PPP2R2C: variants seen among roughly 807,000 people sequenced by gnomAD.
PPP2R2C encodes protein phosphatase 2, regulatory subunit B, gamma.
Under a neutral mutation model 45.3 loss-of-function variants are expected in PPP2R2C, and 10 were observed. The observed-to-expected ratio is 0.22, with a 90% CI of 0.14 to 0.37. The LOEUF (loss-of-function observed/expected upper bound fraction) is 0.37, where lower values mean the gene tolerates loss of function less well. Ranked by LOEUF, PPP2R2C falls within the 10% of genes least tolerant of loss-of-function variation. The pLI is 1.00. For synonymous variants in PPP2R2C, 257 were observed against 245.4 expected (o/e 1.05, Z -0.44); for missense variants, 308 against 619.7 (o/e 0.50, Z 5.34).
Position 6,461,132 on chromosome 4 carries a change from G to A in PPP2R2C, c.70+11028C>T, listed in dbSNP as rs78798433. Among the ~76,000 whole-genome samples, 825 of 152,218 alleles carry A rather than the reference G, an allele frequency of 5.4e-3. 14 individuals carry two copies. The highest frequency in any genetic ancestry group is 0.036 in the East Asian group (188 of 5,174). ...GCTTTGCAGACTCAGCTCAGACATC[G>A]CCTCTCCCAGGAAGGCGTCCCTGAC... is the stretch of plus-strand genomic sequence containing the variant. On this transcript the variant is annotated intron_variant, in intron 1 of 8. Coordinates refer to ENST00000382599, the MANE Select transcript of PPP2R2C (RefSeq NM_020416.4).
Position 6,381,944 on chromosome 4 carries a change from C to T in PPP2R2C, c.71-850G>A, listed in dbSNP as rs571006007. The T allele has an allele frequency of 2.4e-4, 364 of 1,509,786 alleles. 3 individuals are homozygous for T. In the African/African-American group the frequency reaches 4.4e-3, roughly 18 times the overall value. 93.5% of individuals were successfully genotyped at this position (1,509,786 alleles called of 1,614,324 possible). A position where few individuals can be genotyped will look rare whatever the true frequency, so the allele number is the denominator to read the frequency against. On this transcript the variant is annotated intron_variant, in intron 1 of 8. Transcript: ENST00000382599. ...GAGTCACAGAGATGAGTGGCCTGCACATTCTGGGTGGCCAGCCCTGGGAGT... is the reference window on the plus strand; with the variant it reads ...GAGTCACAGAGATGAGTGGCCTGCATATTCTGGGTGGCCAGCCCTGGGAGT...
At chr4:6,371,867 T>A (rs1309843317) in intron 5 of PPP2R2C, among the ~76,000 whole-genome samples, 1 of 152,190 alleles carries the variant, frequency 6.6e-6, no homozygotes, top group African/African-American at 2.4e-5. Context: ...AATAGTGACA[T>A]CACAGCAACC....
intron 1 of PPP2R2C, among the ~76,000 whole-genome samples, chr4:6,454,685 C>T (rs1720921501): frequency 1.3e-5 from 2 of 152,228 alleles, no homozygotes; most frequent in African/African-American, 2.4e-5. Flanking sequence ...GTTCTCATCA[C>T]ATCACTGAGC....
In PPP2R2C at chr4:6,415,026, G is replaced by T. The variant is rs7658189; in HGVS notation, c.71-33932C>A. Among the ~76,000 whole-genome samples the T allele has an allele frequency of 1.2e-3, 189 of 152,344 alleles. 1 individual carries two copies. Among genetic ancestry groups the T allele is most frequent in the African/African-American group, 4.4e-3 (184 of 41,582 alleles). On this transcript the variant is annotated intron_variant, in intron 1 of 8. Coordinates refer to ENST00000382599, the MANE Select transcript of PPP2R2C (RefSeq NM_020416.4). The stretch of plus-strand genomic sequence containing the variant: ...ACACGACAGGAAGGGATGGTGTCAG[G>T]AACAGGTGCGGATATCTGGGGACAC...
chr4:6,430,880 G>A lies in PPP2R2C; in HGVS notation c.70+41280C>T, dbSNP rs377315946. On this transcript the variant is annotated intron_variant, in intron 1 of 8. Transcript: ENST00000382599. Reference sequence around the variant, plus strand: ...GCGGAGGTTGCAGTGAGCCAAGATCGCACCACTGCACTCCAGCCTGGGCGA... The same window carrying A: ...GCGGAGGTTGCAGTGAGCCAAGATCACACCACTGCACTCCAGCCTGGGCGA... 8.1e-4 allele frequency among the ~76,000 whole-genome samples: 123 copies of A among 151,876 alleles called. 5 individuals are homozygous for A. The East Asian group carries it at 0.018, about 23-fold the overall frequency.
At chr4:6,391,464 C>T (rs555245870) in intron 1 of PPP2R2C, among the ~76,000 whole-genome samples, 45 of 152,358 alleles carry the variant, frequency 3.0e-4, no homozygotes, top group African/African-American at 1.1e-3. Context: ...AATATCACCT[C>T]CCCTGAGCTT....
chr4:6,431,671 A>G (rs1180940155), intron 1 of PPP2R2C, among the ~76,000 whole-genome samples: 1 of 151,994 alleles, frequency 6.6e-6, no homozygotes, highest in Non-Finnish European at 1.5e-5. Flanking sequence ...TTGATAAACC[A>G]CTTATACTCT....
chr4:6,423,351 A>T (rs958366967), intron 1 of PPP2R2C, among the ~76,000 whole-genome samples: 5 of 152,202 alleles, frequency 3.3e-5, no homozygotes, highest in Admixed American at 2.0e-4. Flanking sequence ...CTACAGGTGC[A>T]CACCACCACG....
At chr4:6,350,025 C>G (rs544657810) in intron 5 of PPP2R2C, 1 of 985,344 alleles carries the variant, frequency 1.0e-6, no homozygotes, top group Non-Finnish European at 1.2e-6. Flanking sequence ...AATCTTGCTT[C>G]CCGGAAGCAC....
intron 1 of PPP2R2C, among the ~76,000 whole-genome samples, chr4:6,457,253 A>G (rs1721092741): frequency 6.6e-6 from 1 of 152,156 alleles, no homozygotes; most frequent in East Asian, 1.9e-4. Context: ...AAAACCATTT[A>G]AAGCCATCCT....
chr4:6,381,193 G>A lies in PPP2R2C; in HGVS notation c.71-99C>T, dbSNP rs183975176. 1.1e-3 allele frequency: 1,697 copies of A among 1,545,624 alleles called. 5 individuals are homozygous for A. The highest frequency in any genetic ancestry group is 1.3e-3 in the Non-Finnish European group (1,481 of 1,146,206). On this transcript the variant is annotated intron_variant, in intron 1 of 8. Coordinates refer to ENST00000382599, the MANE Select transcript of PPP2R2C (RefSeq NM_020416.4). ...AGCAATGGCGAGCTCCCCGCTCCCC[G>A]AGGCCCCACAGCCCTGGGCAGGAGG...
chr4:6,324,056 C>A lies in PPP2R2C; in HGVS notation c.1053-463G>T, dbSNP rs993803800. On this transcript the variant is annotated intron_variant, in intron 8 of 8. Coordinates refer to ENST00000382599, the MANE Select transcript of PPP2R2C (RefSeq NM_020416.4). The surrounding 1 kb of genome is among the most constrained non-coding windows in gnomAD (Gnocchi z 4.1). ...TGTATCTTGGGGTCTCTTATACCCC[C>A]TCACATGTCAGCTGCCACCAACATG... Among the ~76,000 whole-genome samples the A allele has an allele frequency of 1.3e-5, 2 of 152,210 alleles. No homozygotes were observed. The highest frequency in any genetic ancestry group is 4.1e-4 in the South Asian group (2 of 4,830).
At chr4:6,501,434 G>C (rs554580541) in intron 2 of PPP2R2C, among the ~76,000 whole-genome samples, 1 of 152,302 alleles carries the variant, frequency 6.6e-6, no homozygotes, top group East Asian at 1.9e-4. Flanking sequence ...GAGACCCTCC[G>C]AGTTTCCCAG....
In PPP2R2C at chr4:6,330,575, G is replaced by T. The variant is rs1023975992; in HGVS notation, c.961-1222C>A. Reference sequence around the variant, plus strand: ...ACCGGGGGATTCCGCTAACAGATGCGTGTGGGCTCGCATAGTCACTCTCCC... The same window carrying T: ...ACCGGGGGATTCCGCTAACAGATGCTTGTGGGCTCGCATAGTCACTCTCCC... On this transcript the variant is annotated intron_variant, in intron 7 of 8. Transcript: ENST00000382599. The surrounding 1 kb of genome is among the most constrained non-coding windows in gnomAD (Gnocchi z 7.0). Among the ~76,000 whole-genome samples the T allele has an allele frequency of 6.6e-6, 1 of 152,162 alleles. No homozygotes were observed. Among genetic ancestry groups the T allele is most frequent in the Non-Finnish European group, 1.5e-5 (1 of 68,034 alleles).
At chr4:6,547,594 T>C (rs1046181465) in intron 1 of PPP2R2C, among the ~76,000 whole-genome samples, 1 of 151,764 alleles carries the variant, frequency 6.6e-6, no homozygotes, top group Admixed American at 6.6e-5. Flanking sequence ...ATTATGAAAA[T>C]AGAGGGGCAG....
At chr4:6,392,835 C>A (rs1716751174) in intron 1 of PPP2R2C, among the ~76,000 whole-genome samples, 1 of 152,172 alleles carries the variant, frequency 6.6e-6, no homozygotes, top group Admixed American at 6.5e-5. Flanking sequence ...CTTCTGTGCC[C>A]AGCCCATGCC....
chr4:6,383,348 C>T, intron 1 of PPP2R2C: 2 of 1,289,244 alleles, frequency 1.6e-6, no homozygotes. Context: ...ATGATGAAAA[C>T]ATTTACTGTT....
At chr4:6,400,508 T>C (rs1229511657) in intron 1 of PPP2R2C, among the ~76,000 whole-genome samples, 2 of 152,232 alleles carry the variant, frequency 1.3e-5, no homozygotes, top group Non-Finnish European at 2.9e-5. Flanking sequence ...GGAGCCACAA[T>C]AATTTTTAAG....
intron 1 of PPP2R2C, among the ~76,000 whole-genome samples, chr4:6,562,865 A>C (rs67005752): frequency 0.27 from 40,817 of 151,430 alleles, 6,842 homozygotes; most frequent in East Asian, 0.53. Flanking sequence ...CATAAAAGCC[A>C]ACCCGGGTCA....
Sources: gnomAD v4.1 joint callset for allele counts (sites outside exome capture counted in the v4.1 genomes callset) on GRCh38, gnomAD v4.1.1 for gene constraint, Gnocchi (gnomAD v3.1) non-coding constraint, MANE v1.5 for transcripts, NCBI Gene and HGNC (gene_info 2026-07-23, HGNC 2026-07-21) for gene names.